DSCAM: variants seen among roughly 807,000 people sequenced by gnomAD.
The protein encoded by DSCAM is cell adhesion molecule DSCAM.
A neutral mutation model predicts 217.7 loss-of-function variants in DSCAM; 47 were observed. The observed-to-expected ratio is 0.22, with a 90% CI of 0.17 to 0.28. The LOEUF (loss-of-function observed/expected upper bound fraction) is 0.28, where lower values mean the gene tolerates loss of function less well. DSCAM is among the 10% of genes least tolerant of loss of function. The probability of loss-of-function intolerance (pLI) is 1.00; values close to 1 mark genes in which losing one functional copy is unlikely to be tolerated. For synonymous variants in DSCAM, 1,056 were observed against 1,015.3 expected (o/e 1.04, Z -0.76); for missense variants, 2,080 against 2,618.3 (o/e 0.79, Z 4.49).
In DSCAM at chr21:40,338,372, A is replaced by G; in HGVS notation, c.1512T>C (p.Pro504=). 1 of 1,609,060 alleles carries G rather than the reference A, an allele frequency of 6.2e-7. No individual in the cohort carries two copies. The highest frequency in any genetic ancestry group is 8.5e-7 in the Non-Finnish European group (1 of 1,175,874). The change falls in exon 8 of 33, where the codon CCT becomes CCC. Residue 504 remains proline (P), a synonymous_variant. Coordinates refer to ENST00000400454, the MANE Select transcript of DSCAM (RefSeq NM_001389.5). ...LYQARINVRG[P]ASIRPMKNIT... is the part of the protein sequence containing the mutation. ...TGTTTTTCATTGGTCGAATGCTTGC[A>G]GGCCCTGGAGAGACACAAAGAAACT... is the stretch of plus-strand genomic sequence containing the variant.
At chr21:40,617,254 G>A (rs1418405558) in intron 3 of DSCAM, among the ~76,000 whole-genome samples, 1 of 149,794 alleles carries the variant, frequency 6.7e-6, no homozygotes, top group Non-Finnish European at 1.5e-5. Context: ...CTCCTGAGTA[G>A]CTGGGACTAC....
At chr21:40,018,345 A>T (rs2088202279) in intron 32 of DSCAM, among the ~76,000 whole-genome samples, 1 of 151,834 alleles carries the variant, frequency 6.6e-6, no homozygotes, top group African/African-American at 2.4e-5. Flanking sequence ...TTATTTATTT[A>T]TTTTAAATTT....
intron 14 of DSCAM, among the ~76,000 whole-genome samples, chr21:40,185,724 A>G (rs2090887393): frequency 7.0e-6 from 1 of 143,514 alleles, no homozygotes; most frequent in Non-Finnish European, 1.5e-5. Context: ...AGACCTGTAT[A>G]CATGAACTTG....
At position 40,243,089 on chromosome 21, in the gene DSCAM, T is replaced by C. The variant is rs138767903; in HGVS notation, c.2356+33008A>G. Among the ~76,000 whole-genome samples the C allele has an allele frequency of 2.5e-3, 375 of 152,324 alleles. 1 individual carries two copies. The highest frequency in any genetic ancestry group is 0.014 in the Middle Eastern group (4 of 294). ...AGTCTCCCACCTCACAGCTGAGTGA[T>C]CTGGTCTGTGCTTTGGGACCACCCC... On this transcript the variant is annotated intron_variant, in intron 11 of 32. Transcript: ENST00000400454.
chr21:40,474,266 C>T (rs1040271850), intron 3 of DSCAM, among the ~76,000 whole-genome samples: 3 of 151,800 alleles, frequency 2.0e-5, no homozygotes, highest in Non-Finnish European at 4.4e-5. Context: ...GCACTCTAGC[C>T]TGGGTGACAG....
At chr21:40,447,626 T>C (rs950972653) in intron 3 of DSCAM, among the ~76,000 whole-genome samples, 1 of 152,196 alleles carries the variant, frequency 6.6e-6, no homozygotes, top group Non-Finnish European at 1.5e-5. Context: ...GTTTTTCTAA[T>C]AAAAAAACAC....
intron 20 of DSCAM, among the ~76,000 whole-genome samples, chr21:40,101,037 G>C (rs777091029): frequency 6.6e-6 from 1 of 152,224 alleles, no homozygotes. Context: ...TTGCCGCCAG[G>C]CATGGACTTG....
chr21:40,049,625 G>A (rs181916500), intron 30 of DSCAM, among the ~76,000 whole-genome samples: 1 of 152,300 alleles, frequency 6.6e-6, no homozygotes, highest in Non-Finnish European at 1.5e-5. Context: ...CCATCATACA[G>A]CACTGAGCCA....
intron 4 of DSCAM, among the ~76,000 whole-genome samples, chr21:40,354,029 C>G (rs1291296648): frequency 1.3e-5 from 2 of 152,172 alleles, no homozygotes. Flanking sequence ...GCTGTCAGCT[C>G]AGGCCAAAAA....
rs140741359 is a variant in DSCAM at position 40,324,672 on chromosome 21, T to C, written c.1784-12313A>G. Among the ~76,000 whole-genome samples the C allele has an allele frequency of 1.5e-3, 229 of 152,310 alleles. 1 individual carries two copies. The highest frequency in any genetic ancestry group is 5.2e-3 in the African/African-American group (218 of 41,578). ...TATATGTAAACAATTAGAGTCACCATGGTCTGAGCAGGATGACAGGTTATG... is the reference window on the plus strand; with the variant it reads ...TATATGTAAACAATTAGAGTCACCACGGTCTGAGCAGGATGACAGGTTATG... On this transcript the variant is annotated intron_variant, in intron 8 of 32. Coordinates refer to ENST00000400454, the MANE Select transcript of DSCAM (RefSeq NM_001389.5).
intron 21 of DSCAM, 45 bp downstream of exon 21, chr21:40,093,675 CA>C: frequency 6.2e-7 from 1 of 1,605,456 alleles, no homozygotes; most frequent in Non-Finnish European, 8.5e-7. Flanking sequence ...GACTTAAAAA[CA>C]GTCAAGTTAC....
At chr21:40,666,463 C>G (rs1230354327) in intron 3 of DSCAM, among the ~76,000 whole-genome samples, 1 of 152,182 alleles carries the variant, frequency 6.6e-6, no homozygotes, top group Non-Finnish European at 1.5e-5. Flanking sequence ...CTGATACTTT[C>G]ATCCCTGATA....
chr21:40,261,621 C>T (rs1264675725), intron 11 of DSCAM, among the ~76,000 whole-genome samples: 1 of 149,170 alleles, frequency 6.7e-6, no homozygotes, highest in Non-Finnish European at 1.5e-5. Flanking sequence ...TGGGCCAATT[C>T]CTTATAATAA....
At chr21:40,519,113 A>G (rs2076338569) in intron 3 of DSCAM, among the ~76,000 whole-genome samples, 1 of 152,208 alleles carries the variant, frequency 6.6e-6, no homozygotes, top group African/African-American at 2.4e-5. Flanking sequence ...TATGTGGTAC[A>G]TAACTGTATT....
intron 11 of DSCAM, among the ~76,000 whole-genome samples, chr21:40,243,902 T>A (rs1239525885): frequency 6.6e-6 from 1 of 152,162 alleles, no homozygotes; most frequent in Non-Finnish European, 1.5e-5. Context: ...GGGAGGGACC[T>A]CTGACGGTGA....
At chr21:40,731,317 A>G (rs182433153) in intron 1 of DSCAM, among the ~76,000 whole-genome samples, 280 of 152,326 alleles carry the variant, frequency 1.8e-3, no homozygotes, top group African/African-American at 6.5e-3. Context: ...TTCACTAAAT[A>G]CCAGGACAGA....
intron 2 of DSCAM, among the ~76,000 whole-genome samples, chr21:40,699,602 T>C (rs1073971): frequency 0.13 from 20,214 of 152,142 alleles, 2,409 homozygotes; most frequent in African/African-American, 0.32. Flanking sequence ...ACCTTACTGG[T>C]GGTGTGGAGA....
chr21:40,563,784 TTA>T lies in DSCAM; in HGVS notation c.508+129024_508+129025del, dbSNP rs1349030783. The stretch of plus-strand genomic sequence containing the variant: ...TATGTTTGTATGTTTATATATATGT[TTA>T]TATGTTTATATATAGTTATATGTGT... On this transcript the variant is annotated intron_variant, in intron 3 of 32. Transcript: ENST00000400454. Among the ~76,000 whole-genome samples, 14 of 147,984 alleles carry T rather than the reference TTA, an allele frequency of 9.5e-5. No homozygotes were observed. The South Asian group carries it at 1.5e-3, about 16-fold the overall frequency.
At chr21:40,516,637 A>G (rs2076301887) in intron 3 of DSCAM, among the ~76,000 whole-genome samples, 1 of 152,140 alleles carries the variant, frequency 6.6e-6, no homozygotes, top group South Asian at 2.1e-4. Flanking sequence ...TGCCATGGAA[A>G]TAGAACAACT....
Sources: gnomAD v4.1 joint callset for allele counts (sites outside exome capture counted in the v4.1 genomes callset) on GRCh38, gnomAD v4.1.1 for gene constraint, MANE v1.5 for transcripts, NCBI Gene and HGNC (gene_info 2026-07-23, HGNC 2026-07-21) for gene names.